CDH2: variants seen among roughly 807,000 people sequenced by gnomAD.
CDH2 encodes cadherin 2.
Under a neutral mutation model 92.0 loss-of-function variants are expected in CDH2, and 17 were observed. That is an observed-to-expected ratio of 0.18 (90% CI 0.13 to 0.28). CDH2 has a LOEUF of 0.28. Ranked by LOEUF, CDH2 falls within the 10% of genes least tolerant of loss-of-function variation. The pLI, the probability that CDH2 is intolerant of heterozygous loss-of-function variation, is 1.00. For missense variants in CDH2, 862 were observed against 1,133.1 expected, an observed-to-expected ratio of 0.76 and a Z score of 3.44; for synonymous variants, 419 against 415.9, an observed-to-expected ratio of 1.01 and a Z score of -0.09.
chr18:27,943,929 CTG>C (rs1909203772), intron 6 of CDH2, among the ~76,000 whole-genome samples: 1 of 152,116 alleles, frequency 6.6e-6, no homozygotes, highest in Non-Finnish European at 1.5e-5. Context: ...GGTGAAAAAA[CTG>C]TGGGACAAAA....
In CDH2 at chr18:27,992,796, A is replaced by G. The variant is rs2143976545; in HGVS notation, c.1203T>C (p.Ala401=). ...GATCCTTATCGGTCACAGTTAGATT[A>G]GCTACTATGATGTCTACCCTGTTCT... ...VPENRVDIIV[A]NLTVTDKDQP... is the part of the protein sequence containing the mutation. Residue 401 remains alanine, a synonymous_variant, in exon 9 of 16, where the codon GCT becomes GCC. Transcript: ENST00000269141. The G allele has an allele frequency of 1.9e-6, 3 of 1,613,980 alleles. No individual in the cohort carries two copies. Among genetic ancestry groups the G allele is most frequent in the Non-Finnish European group, 2.5e-6 (3 of 1,179,882 alleles).
intron 1 of CDH2, among the ~76,000 whole-genome samples, chr18:28,158,643 T>A (rs1308250870): frequency 6.6e-6 from 1 of 152,000 alleles, no homozygotes. Flanking sequence ...CTCCTAGGAG[T>A]TCCCACGACC....
chr18:28,036,356 CTTGT>C (rs924133663), intron 2 of CDH2: 53 of 674,618 alleles, frequency 7.9e-5, no homozygotes, highest in Non-Finnish European at 1.3e-4. Flanking sequence ...CATTAAATTC[CTTGT>C]TTAAAATATA....
At chr18:28,158,735 TGTAAA>T (rs565455699) in intron 1 of CDH2, among the ~76,000 whole-genome samples, 545 of 152,276 alleles carry the variant, frequency 3.6e-3, no homozygotes, top group South Asian at 0.015. Flanking sequence ...ATCTCACAAG[TGTAAA>T]GTAAAGTTTT....
intron 2 of CDH2, among the ~76,000 whole-genome samples, chr18:28,140,959 C>G (rs909162265): frequency 5.3e-5 from 8 of 150,312 alleles, no homozygotes; most frequent in African/African-American, 1.5e-4. Flanking sequence ...TAATGCAAAT[C>G]AAACCACAAT....
intron 15 of CDH2, among the ~76,000 whole-genome samples, chr18:27,955,971 A>G (rs984612110): frequency 1.5e-4 from 23 of 152,102 alleles, no homozygotes; most frequent in African/African-American, 5.6e-4. Flanking sequence ...ACTGATTTTT[A>G]TCTGAGAATA....
chr18:28,027,279 A>G (rs2013579034), intron 2 of CDH2, among the ~76,000 whole-genome samples: 2 of 152,218 alleles, frequency 1.3e-5, no homozygotes, highest in South Asian at 4.1e-4. Flanking sequence ...ATAAAAATGA[A>G]ATAAATCAGA....
chr18:27,970,188 T>C (rs2011622490), intron 14 of CDH2, among the ~76,000 whole-genome samples: 3 of 152,204 alleles, frequency 2.0e-5, no homozygotes, highest in Admixed American at 2.0e-4. Flanking sequence ...TCCCGTTGTT[T>C]TGATGCAATC....
At chr18:28,111,520 A>G (rs2015413252) in intron 2 of CDH2, among the ~76,000 whole-genome samples, 1 of 152,240 alleles carries the variant, frequency 6.6e-6, no homozygotes, top group South Asian at 2.1e-4. Flanking sequence ...CGATCTATCC[A>G]AGACCTAGCA....
chr18:28,043,956 A>G (rs1437520953), intron 2 of CDH2, among the ~76,000 whole-genome samples: 1 of 132,522 alleles, frequency 7.5e-6, no homozygotes, highest in Non-Finnish European at 1.5e-5. Flanking sequence ...TCTGTCACTC[A>G]GGCTACAGTG....
intron 2 of CDH2, among the ~76,000 whole-genome samples, chr18:28,023,756 TAA>T (rs2013473466): frequency 6.6e-6 from 1 of 152,188 alleles, no homozygotes; most frequent in African/African-American, 2.4e-5. Context: ...GCAATTATAC[TAA>T]TGTCTTAACG....
rs562035244 is a variant in CDH2, at chr18:28,109,057, C to G, written c.172+38616G>C. 5.3e-5 allele frequency among the ~76,000 whole-genome samples: 8 copies of G among 152,192 alleles called. No individual in the cohort carries two copies. In the East Asian group the frequency reaches 1.2e-3, roughly 22 times the overall value. On this transcript the variant is annotated intron_variant, in intron 2 of 15. Coordinates refer to ENST00000269141, the MANE Select transcript of CDH2 (RefSeq NM_001792.5). ...AATCTTATTAAACCAGCATCTGAAC[C>G]ACAGCCACCATGCCATGGGAGAATA...
chr18:28,122,614 T>C (rs1010131058), intron 2 of CDH2, among the ~76,000 whole-genome samples: 5 of 152,150 alleles, frequency 3.3e-5, no homozygotes, highest in Non-Finnish European at 7.4e-5. Flanking sequence ...TAGTCTTTGA[T>C]CATACAAAAT....
At chr18:28,006,087 A>C in intron 5 of CDH2, 94 bp from the exon 6 acceptor site, 1 of 1,006,014 alleles carries the variant, frequency 9.9e-7, no homozygotes, top group Admixed American at 2.3e-5. Context: ...GCAAGAATAA[A>C]CTCACAGCTG....
intron 14 of CDH2, among the ~76,000 whole-genome samples, chr18:27,973,518 G>A (rs1369341750): frequency 6.6e-6 from 1 of 152,108 alleles, no homozygotes; most frequent in African/African-American, 2.4e-5. Flanking sequence ...TATTTCATGA[G>A]CTGTGCCTAC....
At chr18:27,946,907 A>C (rs541742590), downstream of CDH2, among the ~76,000 whole-genome samples, 1 of 152,066 alleles carries the variant, frequency 6.6e-6, no homozygotes, top group East Asian at 1.9e-4. Context: ...TAGATGAAGA[A>C]AGTGTTATAA....
intron 1 of CDH2, among the ~76,000 whole-genome samples, chr18:28,173,730 G>T (rs2016497267): frequency 6.6e-6 from 1 of 151,956 alleles, no homozygotes. Flanking sequence ...AGAACAATGG[G>T]GTTATGCAAT....
chr18:28,111,661 C>T (rs2015415364), intron 2 of CDH2, among the ~76,000 whole-genome samples: 1 of 152,108 alleles, frequency 6.6e-6, no homozygotes, highest in Admixed American at 6.5e-5. Flanking sequence ...GAACACTCAA[C>T]CTCAATGTCA....
chr18:28,053,915 T>A (rs952405036), intron 2 of CDH2, among the ~76,000 whole-genome samples: 2 of 152,074 alleles, frequency 1.3e-5, no homozygotes, highest in African/African-American at 4.8e-5. Context: ...AATTTTAAGT[T>A]CCTCTTGGGT....
Sources: gnomAD v4.1 joint callset for allele counts (sites outside exome capture counted in the v4.1 genomes callset) on GRCh38, gnomAD v4.1.1 for gene constraint, MANE v1.5 for transcripts, NCBI Gene and HGNC (gene_info 2026-07-23, HGNC 2026-07-21) for gene names.